TASP1: variants seen among roughly 807,000 people sequenced by gnomAD.
The protein encoded by TASP1 is threonine aspartase 1.
In TASP1, 16 loss-of-function variants were observed where a neutral mutation model predicts 56.6. The observed-to-expected ratio is 0.28, with a 90% confidence interval of 0.19 to 0.43. The LOEUF (loss-of-function observed/expected upper bound fraction) is 0.43, where lower values mean the gene tolerates loss of function less well. Ranked by LOEUF, TASP1 falls within the 20% of genes least tolerant of loss-of-function variation. The pLI is 1.00. For synonymous variants in TASP1, 179 were observed against 184.2 expected, an observed-to-expected ratio of 0.97 and a Z score of 0.23; for missense variants, 393 against 511.6, an observed-to-expected ratio of 0.77 and a Z score of 2.24.
chr20:13,195,296 C>G, the TASP1 span, among the ~76,000 whole-genome samples: 12 of 152,326 alleles, frequency 7.9e-5, no homozygotes, highest in Admixed American at 2.0e-4. Flanking sequence ...CCTAGATTTA[C>G]TTGGCCTTCC....
chr20:13,236,445 G>C, the TASP1 span, among the ~76,000 whole-genome samples: 5 of 152,022 alleles, frequency 3.3e-5, no homozygotes, highest in Admixed American at 6.6e-5. Context: ...GATTTGATTG[G>C]GGACACAACC....
the TASP1 span, among the ~76,000 whole-genome samples, chr20:13,378,898 C>T: frequency 6.6e-6 from 1 of 152,148 alleles, no homozygotes; most frequent in Non-Finnish European, 1.5e-5. Flanking sequence ...ATTGCCACCC[C>T]TGCTTTATTT....
chr20:13,164,657 C>T, the TASP1 span: 3 of 856,018 alleles, frequency 3.5e-6, no homozygotes, highest in Middle Eastern at 4.4e-4. Flanking sequence ...CAAACTAAGA[C>T]TGTGTGTCTT....
rs973322402 is a variant in TASP1 at position 13,638,912 on chromosome 20, T to G, written c.-93A>C. On this transcript the variant is annotated 5_prime_UTR_variant, in exon 1 of 14. Transcript: ENST00000337743. Reference sequence around the variant, plus strand: ...CACTCACCCGCTTCAGCCCCGAGCCTTCACTGCACCGGAAGTAGTCACCCG... The same window carrying G: ...CACTCACCCGCTTCAGCCCCGAGCCGTCACTGCACCGGAAGTAGTCACCCG... 3 of 152,336 alleles carry G rather than the reference T, an allele frequency of 2.0e-5. No individual in the cohort carries two copies. Among genetic ancestry groups the G allele is most frequent in the African/African-American group, 7.2e-5 (3 of 41,438 alleles). 9.4% of individuals were successfully genotyped at this position (152,336 alleles called of 1,614,324 possible). A position where few individuals can be genotyped will look rare whatever the true frequency, so the allele number is the denominator to read the frequency against.
intron 10 of TASP1, among the ~76,000 whole-genome samples, chr20:13,498,638 C>G (rs1364888353): frequency 6.6e-6 from 1 of 151,732 alleles, no homozygotes; most frequent in Admixed American, 6.6e-5. Flanking sequence ...GCCACCATGC[C>G]CAGCCTGAAC....
chr20:13,140,528 G>A, the TASP1 span, among the ~76,000 whole-genome samples: 30 of 152,020 alleles, frequency 2.0e-4, no homozygotes, highest in Admixed American at 1.2e-3. Context: ...ATATGATTCC[G>A]ATTAACATCA....
At chr20:13,163,919 T>C in the TASP1 span, among the ~76,000 whole-genome samples, 3 of 152,184 alleles carry the variant, frequency 2.0e-5, no homozygotes, top group Admixed American at 2.0e-4. Flanking sequence ...TTATTATTAA[T>C]ATACTTTAAG....
At chr20:13,536,404 C>G (rs762849052) in intron 8 of TASP1, among the ~76,000 whole-genome samples, 39 of 152,336 alleles carry the variant, frequency 2.6e-4, no homozygotes, top group Non-Finnish European at 4.9e-4. Context: ...TCTTGCTCAA[C>G]TGTCAACTGA....
At chr20:13,377,196 AT>A in the TASP1 span, among the ~76,000 whole-genome samples, 2 of 152,200 alleles carry the variant, frequency 1.3e-5, no homozygotes, top group African/African-American at 4.8e-5. Flanking sequence ...CCAATATGAT[AT>A]TGGCTGTGGG....
intron 11 of TASP1, among the ~76,000 whole-genome samples, chr20:13,472,825 T>C (rs932955818): frequency 6.6e-6 from 1 of 150,964 alleles, no homozygotes. Context: ...CATTAAAAAG[T>C]CAGGAAACAA....
intron 12 of TASP1, among the ~76,000 whole-genome samples, chr20:13,422,334 T>C (rs2042470872): frequency 2.0e-5 from 3 of 152,332 alleles, no homozygotes; most frequent in South Asian, 4.1e-4. Context: ...ATAAATTTCT[T>C]TGGCTTTCAA....
At chr20:13,281,763 C>T in the TASP1 span, among the ~76,000 whole-genome samples, 1 of 152,142 alleles carries the variant, frequency 6.6e-6, no homozygotes, top group South Asian at 2.1e-4. Context: ...CACAGAGGAC[C>T]GCTTGATGCC....
the TASP1 span, among the ~76,000 whole-genome samples, chr20:13,145,170 G>A: frequency 6.6e-6 from 1 of 152,176 alleles, no homozygotes; most frequent in East Asian, 1.9e-4. Context: ...GAAATAAAGG[G>A]CACCCAAATA....
At chr20:13,534,329 T>C (rs1292564689) in intron 8 of TASP1, among the ~76,000 whole-genome samples, 188 bp from the exon 9 acceptor site, 1 of 94,474 alleles carries the variant, frequency 1.1e-5, no homozygotes, top group Non-Finnish European at 2.6e-5. Flanking sequence ...AGTCAAAATG[T>C]ATTTTCCACC....
the TASP1 span, among the ~76,000 whole-genome samples, chr20:13,275,340 GCCT>G: frequency 6.6e-6 from 1 of 152,054 alleles, no homozygotes; most frequent in Non-Finnish European, 1.5e-5. Flanking sequence ...TTTTGATTTT[GCCT>G]CCTCCTTTTT....
intron 8 of TASP1, among the ~76,000 whole-genome samples, chr20:13,541,245 T>A (rs2045609330): frequency 6.6e-6 from 1 of 152,158 alleles, no homozygotes; most frequent in Admixed American, 6.5e-5. Context: ...TACAACAGAA[T>A]GACAGCCAAA....
chr20:13,360,646 C>T, the TASP1 span, among the ~76,000 whole-genome samples: 1 of 152,220 alleles, frequency 6.6e-6, no homozygotes, highest in African/African-American at 2.4e-5. Flanking sequence ...AAATCACAAA[C>T]TGTGCTCAAC....
chr20:13,162,955 T>C, the TASP1 span, among the ~76,000 whole-genome samples: 1 of 152,190 alleles, frequency 6.6e-6, no homozygotes, highest in Non-Finnish European at 1.5e-5. Flanking sequence ...GAGTGTGTTC[T>C]GGGTGGTCTT....
intron 11 of TASP1, among the ~76,000 whole-genome samples, chr20:13,466,062 C>A (rs1021053552): frequency 6.6e-6 from 1 of 152,050 alleles, no homozygotes; most frequent in Non-Finnish European, 1.5e-5. Context: ...ATCATATAGC[C>A]TAGTTGTGAC....
Sources: gnomAD v4.1 joint callset for allele counts (sites outside exome capture counted in the v4.1 genomes callset) on GRCh38, gnomAD v4.1.1 for gene constraint, MANE v1.5 for transcripts, NCBI Gene and HGNC (gene_info 2026-07-23, HGNC 2026-07-21) for gene names.